The following PIEZO2 variants were observed in gnomAD, a reference collection of about 807,000 sequenced individuals.
PIEZO2 encodes the protein piezo-type mechanosensitive ion channel component 2.
A neutral mutation model predicts 337.3 loss-of-function variants in PIEZO2; 172 were observed. The ratio of observed to expected loss-of-function variants is 0.51; its 90% CI spans 0.45 to 0.58. The LOEUF is 0.58. PIEZO2 is among the 20% of genes least tolerant of loss of function. PIEZO2 has a pLI of 0.00. For synonymous variants in PIEZO2, 1,251 were observed against 1,228.5 expected (o/e 1.02, Z -0.38); for missense variants, 3,028 against 3,391.3 (o/e 0.89, Z 2.66).
At chr18:11,018,213 TG>T (rs2036185607) in intron 2 of PIEZO2, among the ~76,000 whole-genome samples, 19 of 140,436 alleles carry the variant, frequency 1.4e-4, no homozygotes, top group South Asian at 9.1e-4. Flanking sequence ...GTGGTGGTGG[TG>T]GTGGTGGTGT....
At chr18:11,040,108 T>C (rs1480179753) in intron 2 of PIEZO2, among the ~76,000 whole-genome samples, 1 of 63,534 alleles carries the variant, frequency 1.6e-5, no homozygotes, top group Non-Finnish European at 4.2e-5. Flanking sequence ...AAATACCATC[T>C]GAAAAAAAAA....
chr18:10,704,743 G>C (rs2035498390), intron 41 of PIEZO2, 91 bp from the exon 42 acceptor site: 1 of 1,424,844 alleles, frequency 7.0e-7, no homozygotes, highest in Admixed American at 2.2e-5. Flanking sequence ...GGAGTGCAAT[G>C]GCGTGATCTT....
Position 11,140,897 on chromosome 18 carries a change from G to A in PIEZO2, c.64+7628C>T, listed in dbSNP as rs983722917. Among the ~76,000 whole-genome samples the A allele has an allele frequency of 2.6e-5, 4 of 152,224 alleles. No homozygotes were observed. In the East Asian group the frequency reaches 7.7e-4, roughly 29 times the overall value. On this transcript the variant is annotated intron_variant, in intron 1 of 55. Transcript: ENST00000674853. ...TTGCAGCTTCCTGGCTGTACCCGTA[G>A]AGGGTGGGGAAGGAGTGTTCCTTCT...
At chr18:10,694,559 A>C (rs2034999966) in intron 47 of PIEZO2, among the ~76,000 whole-genome samples, 1 of 152,190 alleles carries the variant, frequency 6.6e-6, no homozygotes, top group Non-Finnish European at 1.5e-5. Context: ...GACCGGGCAC[A>C]GTGGCTCATG....
intron 7 of PIEZO2, among the ~76,000 whole-genome samples, chr18:10,841,777 T>A (rs1325613225): frequency 6.6e-6 from 1 of 152,186 alleles, no homozygotes; most frequent in Non-Finnish European, 1.5e-5. Flanking sequence ...ACATGGGCAA[T>A]TATAAAAGCT....
At chr18:11,060,435 A>C (rs2037903544) in intron 2 of PIEZO2, among the ~76,000 whole-genome samples, 1 of 152,154 alleles carries the variant, frequency 6.6e-6, no homozygotes, top group Non-Finnish European at 1.5e-5. Flanking sequence ...GATAGAGACC[A>C]AAAAACCCTT....
At position 10,850,824 on chromosome 18, in the gene PIEZO2, A is replaced by G. The variant is rs1341385147; in HGVS notation, c.917+4529T>C. 2.6e-5 allele frequency among the ~76,000 whole-genome samples: 4 copies of G among 152,250 alleles called. No homozygotes were observed. Among genetic ancestry groups the G allele is most frequent in the African/African-American group, 9.6e-5 (4 of 41,480 alleles). ...ATTTATTTCTGGGAATAAGGATTAC[A>G]TTTTAAAGTGTTTTTTCTTATTATT... On this transcript the variant is annotated intron_variant, in intron 7 of 55. Transcript: ENST00000674853. This position sits in a 1 kb window ranked among gnomAD's most constrained non-coding sequence, Gnocchi z 4.5.
At chr18:11,008,232 C>G (rs2145641271) in intron 2 of PIEZO2, among the ~76,000 whole-genome samples, 1 of 152,258 alleles carries the variant, frequency 6.6e-6, no homozygotes, top group East Asian at 1.9e-4. Context: ...CTACCTTTGC[C>G]TCTGAGCCAC....
intron 3 of PIEZO2, among the ~76,000 whole-genome samples, chr18:10,922,405 GGT>G (rs1420953512): frequency 6.6e-6 from 1 of 152,118 alleles, no homozygotes; most frequent in African/African-American, 2.4e-5. Flanking sequence ...TGAGAATGCA[GGT>G]GGGAGGTGAG....
intron 7 of PIEZO2, among the ~76,000 whole-genome samples, chr18:10,852,351 G>GGTGT (rs950397883): frequency 6.6e-6 from 1 of 150,798 alleles, no homozygotes; most frequent in Non-Finnish European, 1.5e-5. Context: ...TGTGTGGATG[G>GGTGT]GTGTGTGTGT....
In PIEZO2 at chr18:10,977,294, TAA is replaced by T. The variant is rs572495563; in HGVS notation, c.286+2239_286+2240del. ...ACCTAAATTTTTTTGCAGACATGAA[TAA>T]GTTACATATATATATATATATATAA... On this transcript the variant is annotated intron_variant, in intron 3 of 55. Coordinates refer to ENST00000674853, the MANE Select transcript of PIEZO2 (RefSeq NM_001378183.1). Among the ~76,000 whole-genome samples the T allele has an allele frequency of 6.2e-3, 935 of 149,878 alleles. 10 individuals carry two copies. The highest frequency in any genetic ancestry group is 0.022 in the African/African-American group (894 of 40,018).
At chr18:10,685,905 C>T (rs1162489104) in intron 49 of PIEZO2, among the ~76,000 whole-genome samples, 2 of 152,212 alleles carry the variant, frequency 1.3e-5, no homozygotes, top group Non-Finnish European at 2.9e-5. Flanking sequence ...TCTCCTCCTC[C>T]TGCCCTTTCT....
chr18:10,811,901 TC>T (rs1469504205), intron 7 of PIEZO2, among the ~76,000 whole-genome samples: 1 of 152,232 alleles, frequency 6.6e-6, no homozygotes, highest in Non-Finnish European at 1.5e-5. Context: ...TGGTGCGATC[TC>T]CGCTCACTGC....
chr18:10,793,329 C>A (rs1272933654), intron 13 of PIEZO2, among the ~76,000 whole-genome samples: 1 of 152,114 alleles, frequency 6.6e-6, no homozygotes, highest in African/African-American at 2.4e-5. Flanking sequence ...GTATTACTAT[C>A]TTCTATGACA....
chr18:10,938,913 T>C (rs980420901), intron 3 of PIEZO2, among the ~76,000 whole-genome samples: 1 of 152,010 alleles, frequency 6.6e-6, no homozygotes, highest in Non-Finnish European at 1.5e-5. Context: ...AGTGAAACCT[T>C]GTCTCTGCTA....
chr18:11,022,941 T>G lies in PIEZO2; in HGVS notation c.160+43186A>C, dbSNP rs555520104. Among the ~76,000 whole-genome samples the G allele has an allele frequency of 4.1e-4, 63 of 152,030 alleles. 1 individual carries two copies. The highest frequency in any genetic ancestry group is 3.1e-3 in the Admixed American group (47 of 15,268). ...CTGGTGGGTTCGTGGTCTCGCTGGC[T>G]CAGGAGTGAAGCTGCGCACCTTCGC... On this transcript the variant is annotated intron_variant, in intron 2 of 55. Coordinates refer to ENST00000674853, the MANE Select transcript of PIEZO2 (RefSeq NM_001378183.1).
chr18:10,932,139 T>C (rs1033657612), intron 3 of PIEZO2, among the ~76,000 whole-genome samples: 2 of 152,218 alleles, frequency 1.3e-5, no homozygotes, highest in African/African-American at 4.8e-5. Context: ...AACAATATCA[T>C]ATGACTAAAC....
rs977288111 is a variant in PIEZO2 at position 10,946,726 on chromosome 18, T to C, written c.286+32809A>G. Among the ~76,000 whole-genome samples the C allele has an allele frequency of 3.3e-5, 5 of 152,264 alleles. No individual in the cohort carries two copies. In the Middle Eastern group the frequency reaches 0.01, roughly 311 times the overall value. ...ACTTGGCCCTCATACTGAACCTCAA[T>C]AGGGGAACTACTTGGTTTAAAACAA... On this transcript the variant is annotated intron_variant, in intron 3 of 55. Transcript: ENST00000674853.
chr18:10,678,313 C>G (rs1274831717), intron 52 of PIEZO2, among the ~76,000 whole-genome samples: 1 of 152,054 alleles, frequency 6.6e-6, no homozygotes, highest in Non-Finnish European at 1.5e-5. Context: ...TTTAGTAGCT[C>G]TTTAAAGAAA....
Sources: gnomAD v4.1 joint callset for allele counts (sites outside exome capture counted in the v4.1 genomes callset) on GRCh38, gnomAD v4.1.1 for gene constraint, Gnocchi (gnomAD v3.1) non-coding constraint, MANE v1.5 for transcripts, NCBI Gene and HGNC (gene_info 2026-07-23, HGNC 2026-07-21) for gene names.